Variants in WDFY2 observed in about 807,000 individuals in gnomAD.
WDFY2 encodes WD repeat and FYVE domain-containing protein 2.
Under a neutral mutation model 56.4 loss-of-function variants are expected in WDFY2, and 36 were observed. The ratio of observed to expected loss-of-function variants is 0.64; its 90% CI spans 0.49 to 0.84. The LOEUF (loss-of-function observed/expected upper bound fraction) is 0.84. WDFY2 is among the 40% of genes least tolerant of loss of function. The pLI, the probability that WDFY2 is intolerant of heterozygous loss-of-function variation, is 0.00. For synonymous variants in WDFY2, 176 were observed against 183.7 expected (o/e 0.96, Z 0.34); for missense variants, 444 against 512.2 (o/e 0.87, Z 1.29).
At chr13:51,650,837 T>C (rs539792967) in intron 1 of WDFY2, among the ~76,000 whole-genome samples, 1 of 152,352 alleles carries the variant, frequency 6.6e-6, no homozygotes, top group East Asian at 1.9e-4. Context: ...TGAGGATTTT[T>C]GGATCGACAT....
chr13:51,684,919 T>C (rs936948271), intron 3 of WDFY2, among the ~76,000 whole-genome samples: 2 of 152,228 alleles, frequency 1.3e-5, no homozygotes, highest in Non-Finnish European at 2.9e-5. Flanking sequence ...TCCAAAGTTC[T>C]ATACACATTC....
rs548783318 is a variant in WDFY2, at chr13:51,748,746, A to T, written c.726-2564A>T. Among the ~76,000 whole-genome samples, 3 of 151,868 alleles carry T rather than the reference A, an allele frequency of 2.0e-5. No individual in the cohort carries two copies. In the East Asian group the frequency reaches 5.8e-4, roughly 29 times the overall value. Reference sequence around the variant, plus strand: ...CAGAAGGTAAAGAACATCCTTTCACATTGTAGGCATTAATCAGTAAAGTAA... The same window carrying T: ...CAGAAGGTAAAGAACATCCTTTCACTTTGTAGGCATTAATCAGTAAAGTAA... On this transcript the variant is annotated intron_variant, in intron 7 of 11. Coordinates refer to ENST00000298125, the MANE Select transcript of WDFY2 (RefSeq NM_052950.4).
chr13:51,759,223 C>T (rs1283284045), intron 11 of WDFY2, among the ~76,000 whole-genome samples: 1 of 152,162 alleles, frequency 6.6e-6, no homozygotes, highest in East Asian at 1.9e-4. Context: ...CTGGCAGCCT[C>T]AGGTCCTTTA....
At chr13:51,756,611 C>T in intron 10 of WDFY2, 149 bp downstream of exon 10, 2 of 1,373,960 alleles carry the variant, frequency 1.5e-6, no homozygotes, top group Non-Finnish European at 9.4e-7. Context: ...CTCTCCTTTG[C>T]CACCAAGAGA....
chr13:51,725,827 G>T (rs1039398181), intron 5 of WDFY2, among the ~76,000 whole-genome samples: 13 of 151,778 alleles, frequency 8.6e-5, no homozygotes, highest in African/African-American at 3.2e-4. Context: ...CCATGTAGCT[G>T]GAACCACAGG....
intron 1 of WDFY2, chr13:51,586,160 A>G (rs966427700): frequency 5.0e-6 from 2 of 398,056 alleles, no homozygotes; most frequent in African/African-American, 4.1e-5. Flanking sequence ...AGAAAGTTTG[A>G]TTTTTTCCAT....
At chr13:51,678,526 T>C (rs948941127) in intron 3 of WDFY2, among the ~76,000 whole-genome samples, 17 of 152,240 alleles carry the variant, frequency 1.1e-4, no homozygotes, top group East Asian at 3.8e-4. Flanking sequence ...GTTTAACTTG[T>C]CTTGACCTTT....
At chr13:51,674,851 C>T (rs1040407204) in intron 2 of WDFY2, among the ~76,000 whole-genome samples, 2 of 152,034 alleles carry the variant, frequency 1.3e-5, no homozygotes, top group Admixed American at 6.6e-5. Flanking sequence ...GTAACAGAAA[C>T]GTTACACAGC....
intron 4 of WDFY2, among the ~76,000 whole-genome samples, chr13:51,707,907 G>A (rs1433908989): frequency 1.6e-5 from 2 of 127,026 alleles, no homozygotes; most frequent in African/African-American, 3.0e-5. Context: ...ACCATGGTAA[G>A]TTAAAGATAT....
chr13:51,645,498 AC>A (rs1396129770), intron 1 of WDFY2, among the ~76,000 whole-genome samples: 2 of 152,080 alleles, frequency 1.3e-5, no homozygotes, highest in African/African-American at 4.8e-5. Context: ...TAGCTTAGCA[AC>A]CTGTGGTATA....
chr13:51,616,442 C>G (rs983514901), intron 1 of WDFY2, among the ~76,000 whole-genome samples: 1 of 152,110 alleles, frequency 6.6e-6, no homozygotes, highest in East Asian at 1.9e-4. Flanking sequence ...TACTCACCTG[C>G]ATCAGTCAGG....
At chr13:51,691,134 C>G (rs1376853390) in intron 3 of WDFY2, among the ~76,000 whole-genome samples, 2 of 151,900 alleles carry the variant, frequency 1.3e-5, no homozygotes, top group Non-Finnish European at 2.9e-5. Flanking sequence ...AATTTTCTCC[C>G]ATTTTGTAGG....
At chr13:51,713,724 G>A (rs1952277988) in intron 4 of WDFY2, among the ~76,000 whole-genome samples, 2 of 151,854 alleles carry the variant, frequency 1.3e-5, no homozygotes, top group South Asian at 4.2e-4. Context: ...GTGTGCGCCT[G>A]TAATCCCAGC....
chr13:51,714,369 G>A (rs536566125), intron 4 of WDFY2, among the ~76,000 whole-genome samples: 23 of 152,076 alleles, frequency 1.5e-4, no homozygotes, highest in South Asian at 8.3e-4. Context: ...TTGGCTCACC[G>A]CAACCTCTGC....
intron 8 of WDFY2, among the ~76,000 whole-genome samples, chr13:51,751,926 ATTCT>A (rs558271244): frequency 6.6e-6 from 1 of 152,344 alleles, no homozygotes; most frequent in South Asian, 2.1e-4. Context: ...TTATCAGAAC[ATTCT>A]TTTTTATGAG....
chr13:51,591,556 C>T, intron 1 of WDFY2: 1 of 152,208 alleles, frequency 6.6e-6, no homozygotes, highest in East Asian at 1.9e-4. Flanking sequence ...GACATACTCT[C>T]TCACACATAG....
intron 3 of WDFY2, among the ~76,000 whole-genome samples, chr13:51,679,038 T>A (rs1432746955): frequency 6.6e-6 from 1 of 152,158 alleles, no homozygotes; most frequent in African/African-American, 2.4e-5. Flanking sequence ...GGACCAAAGA[T>A]GTTTGGAGAG....
chr13:51,677,235 C>T (rs1271336522), intron 3 of WDFY2, among the ~76,000 whole-genome samples: 3 of 152,158 alleles, frequency 2.0e-5, no homozygotes, highest in Non-Finnish European at 2.9e-5. Context: ...TTACTCCAGT[C>T]TTCTGAAAAA....
intron 5 of WDFY2, among the ~76,000 whole-genome samples, chr13:51,725,356 C>T (rs1952581109): frequency 6.6e-6 from 1 of 152,104 alleles, no homozygotes; most frequent in Non-Finnish European, 1.5e-5. Context: ...TCATAGTTCC[C>T]ATTTGGAATC....
Sources: gnomAD v4.1 joint callset for allele counts (sites outside exome capture counted in the v4.1 genomes callset) on GRCh38, gnomAD v4.1.1 for gene constraint, MANE v1.5 for transcripts, NCBI Gene and HGNC (gene_info 2026-07-23, HGNC 2026-07-21) for gene names.